The following DCLRE1C variants were observed in gnomAD, a reference collection of about 807,000 sequenced individuals.
DCLRE1C encodes DNA cross-link repair 1C, also known as protein artemis.
In DCLRE1C, 47 loss-of-function variants were observed where a neutral mutation model predicts 61.4. The ratio of observed to expected loss-of-function variants is 0.77; its 90% CI spans 0.61 to 0.98. The LOEUF (loss-of-function observed/expected upper bound fraction) is 0.98. DCLRE1C is among the 50% of genes least tolerant of loss of function. The probability of loss-of-function intolerance (pLI) is 0.00; values close to 1 mark genes in which losing one functional copy is unlikely to be tolerated. For synonymous variants in DCLRE1C, 337 were observed against 287.6 expected (o/e 1.17, Z -1.74); for missense variants, 858 against 816.0 (o/e 1.05, Z -0.63).
At chr10:14,898,618 GT>G (rs1564343974) in exon 14 of DCLRE1C, 1 of 152,058 alleles carries the variant, frequency 6.6e-6, no homozygotes, top group African/African-American at 2.4e-5. Flanking sequence ...AATTTTTTAA[GT>G]TGCATTCTTA....
At chr10:14,924,989 G>C (rs1216825917) in intron 11 of DCLRE1C, among the ~76,000 whole-genome samples, 1 of 151,906 alleles carries the variant, frequency 6.6e-6, no homozygotes, top group Non-Finnish European at 1.5e-5. Flanking sequence ...CCACCAAACT[G>C]AAAGAGGCAG....
intron 3 of DCLRE1C, 21 bp from the exon 4 acceptor site, chr10:14,939,890 A>G: frequency 6.4e-7 from 1 of 1,567,312 alleles, no homozygotes; most frequent in Non-Finnish European, 8.8e-7. Context: ...AAAATAAGAG[A>G]CCATGTATAT....
intron 1 of DCLRE1C, among the ~76,000 whole-genome samples, chr10:14,952,825 A>G (rs7920695): frequency 0.094 from 14,263 of 151,602 alleles, 1,383 homozygotes; most frequent in East Asian, 0.28. Context: ...GGCTTTGTGG[A>G]AAAAAAAAGC....
intron 3 of DCLRE1C, among the ~76,000 whole-genome samples, chr10:14,940,285 C>CTTTTTTTTT (rs1467655165): frequency 9.7e-6 from 1 of 103,222 alleles, no homozygotes; most frequent in African/African-American, 3.6e-5. Flanking sequence ...ATACACGGTT[C>CTTTTTTTTT]TTTTATTTTT....
At chr10:14,920,438 G>C (rs1432897721) in intron 12 of DCLRE1C, 1 of 1,010,594 alleles carries the variant, frequency 9.9e-7, no homozygotes, top group East Asian at 9.8e-5. Flanking sequence ...GAAGCCTTTA[G>C]GATGATCTAC....
In DCLRE1C at chr10:14,932,844, G is replaced by C. The variant is rs35927251; in HGVS notation, c.780+10C>G. The C allele has an allele frequency of 6.2e-7, 1 of 1,613,272 alleles. No individual in the cohort carries two copies. Among genetic ancestry groups the C allele is most frequent in the Non-Finnish European group, 8.5e-7 (1 of 1,179,348 alleles). On this transcript the variant is annotated intron_variant, in intron 9 of 13. Transcript: ENST00000378278. ...ACAAACAATACGAGAGGAATCACTT[G>C]CACACGTACCTTGGGATGCCGGCAT...
intron 12 of DCLRE1C, chr10:14,920,393 C>G (rs41299702): frequency 3.0e-6 from 3 of 1,013,290 alleles, no homozygotes; most frequent in Non-Finnish European, 3.5e-6. Context: ...TTTCGAAGGC[C>G]TCACTGCCAA....
chr10:14,935,316 A>C, intron 6 of DCLRE1C, 147 bp downstream of exon 6: 1 of 848,168 alleles, frequency 1.2e-6, no homozygotes, highest in Non-Finnish European at 1.8e-6. Context: ...AAAATACAAA[A>C]TTAGCTGGGC....
rs1303439360 is a variant in DCLRE1C at position 14,908,544 on chromosome 10, G to C, written c.1943C>G (p.Ser648Cys). The change falls in exon 14 of 14, where the codon TCT becomes TGT. Residue 648 changes from serine to cysteine, a missense_variant. Ser to Cys is a moderately radical substitution (Grantham distance 112). Transcript: ENST00000378278. ...AGTTGAGGGAACTTCAAAATCAGAA[G>C]AGCTCTGGGAATCTGCATTTGTGCT... is the stretch of plus-strand genomic sequence containing the variant. ...NLSTNADSQS[S>C]SDFEVPSTPE... The C allele has an allele frequency of 6.2e-7, 1 of 1,614,038 alleles. No homozygotes were observed. Among genetic ancestry groups the C allele is most frequent in the Non-Finnish European group, 8.5e-7 (1 of 1,180,036 alleles).
At chr10:14,919,909 A>G in intron 12 of DCLRE1C, 77 bp from the exon 13 acceptor site, 6 of 1,207,678 alleles carry the variant, frequency 5.0e-6, no homozygotes, top group Non-Finnish European at 7.3e-6. Context: ...AGTATTACAA[A>G]TTTTTTTGAT....
At chr10:14,913,453 CAG>C (rs369646578) in intron 13 of DCLRE1C, among the ~76,000 whole-genome samples, 27 of 152,160 alleles carry the variant, frequency 1.8e-4, no homozygotes, top group East Asian at 5.8e-4. Context: ...AAGTTAATAA[CAG>C]AGAATGTATG....
In DCLRE1C at chr10:14,949,094, A is replaced by G; in HGVS notation, c.110-7T>C. ...CTTAATCCTTTCATGTGATCTAAAA[A>G]CAAAAGAACAAAAACTCATGAATAT... On this transcript the variant is annotated splice_region_variant and splice_polypyrimidine_tract_variant and intron_variant, in intron 1 of 13. Coordinates refer to ENST00000378278, the MANE Select transcript of DCLRE1C (RefSeq NM_001033855.3). 6.3e-7 allele frequency: 1 copy of G among 1,597,268 alleles called. No homozygotes were observed. The highest frequency in any genetic ancestry group is 8.6e-7 in the Non-Finnish European group (1 of 1,165,296).
intron 9 of DCLRE1C, among the ~76,000 whole-genome samples, chr10:14,929,273 G>A (rs992859404): frequency 2.6e-5 from 4 of 151,978 alleles, no homozygotes; most frequent in Non-Finnish European, 4.4e-5. Flanking sequence ...GCATGGTGGC[G>A]CATGCCTGTA....
Position 14,908,448 on chromosome 10 carries a change from A to G in DCLRE1C, c.2039T>C (p.Ile680Thr), listed in dbSNP as rs140602902. The part of the protein sequence containing the change: ...LYEKLATGES[I>T]AVKKRKCSLL... Reference sequence around the variant, plus strand: ...TGAGCATTTTCTTTTTTTGACTGCTATACTCTCACCAGTTGCCAGCTTCTC... The same window carrying G: ...TGAGCATTTTCTTTTTTTGACTGCTGTACTCTCACCAGTTGCCAGCTTCTC... Residue 680 changes from isoleucine (I) to threonine (T), a missense_variant, in exon 14 of 14, where the codon ATA becomes ACA. By Grantham distance (89) the Ile-to-Thr change is moderately conservative (BLOSUM62 -1). Transcript: ENST00000378278. 3.2e-5 allele frequency: 52 copies of G among 1,613,762 alleles called. No individual in the cohort carries two copies. The highest frequency in any genetic ancestry group is 3.8e-5 in the Non-Finnish European group (45 of 1,179,996).
intron 5 of DCLRE1C, among the ~76,000 whole-genome samples, chr10:14,935,841 T>C (rs1839818168): frequency 6.6e-6 from 1 of 152,196 alleles, no homozygotes; most frequent in African/African-American, 2.4e-5. Context: ...TTCTTGCTCA[T>C]GGAGAGAGAA....
At chr10:14,919,715 G>A (rs776539391) in intron 13 of DCLRE1C, 23 bp downstream of exon 13, 5 of 1,586,888 alleles carry the variant, frequency 3.2e-6, no homozygotes, top group Non-Finnish European at 3.5e-6. Flanking sequence ...CCACCCCTCT[G>A]AACCCAGGAC....
At position 14,905,781 on chromosome 10, in the gene DCLRE1C, TC is replaced by T. The variant is rs1695247580; in HGVS notation, c.*2626del. Among the ~76,000 whole-genome samples the T allele has an allele frequency of 6.6e-6, 1 of 152,114 alleles. No homozygotes were observed. The highest frequency in any genetic ancestry group is 6.5e-5 in the Admixed American group (1 of 15,270). On this transcript the variant is annotated 3_prime_UTR_variant, in exon 14 of 14. Coordinates refer to ENST00000378278, the MANE Select transcript of DCLRE1C (RefSeq NM_001033855.3). ...GAGTGGATCACCAGAGGTCAGGAGT[TC>T]AAGACCAGTCTGACCAATATGGTGA...
At chr10:14,950,988 G>A (rs1183792456) in intron 1 of DCLRE1C, among the ~76,000 whole-genome samples, 2 of 152,176 alleles carry the variant, frequency 1.3e-5, no homozygotes, top group Non-Finnish European at 2.9e-5. Flanking sequence ...ACTTACTGAT[G>A]ATGCTTAGTA....
At chr10:14,939,780 T>TA (rs759571839) in intron 4 of DCLRE1C, 30 bp downstream of exon 4, 101 of 1,553,318 alleles carry the variant, frequency 6.5e-5, no homozygotes, top group African/African-American at 4.0e-4. Flanking sequence ...CACATTTTTT[T>TA]AAAAAAATCA....
Sources: gnomAD v4.1 joint callset for allele counts (sites outside exome capture counted in the v4.1 genomes callset) on GRCh38, gnomAD v4.1.1 for gene constraint, MANE v1.5 for transcripts, NCBI Gene and HGNC (gene_info 2026-07-23, HGNC 2026-07-21) for gene names.